The following TRPM3 variants were observed in gnomAD, a reference collection of about 807,000 sequenced individuals.
The protein encoded by TRPM3 is transient receptor potential cation channel subfamily M member 3.
In TRPM3, 77 loss-of-function variants were observed where a neutral mutation model predicts 181.2. That is an observed-to-expected ratio of 0.42 (90% CI 0.35 to 0.51). TRPM3 has a LOEUF of 0.51. Ranked by LOEUF, TRPM3 falls within the 20% of genes least tolerant of loss-of-function variation. The pLI is 0.01. For missense variants in TRPM3, 1,759 were observed against 2,196.7 expected (o/e 0.80, Z 3.98); for synonymous variants, 745 against 796.4 (o/e 0.94, Z 1.09).
intron 1 of TRPM3, among the ~76,000 whole-genome samples, chr9:71,172,372 C>T (rs1372676306): frequency 6.6e-6 from 1 of 152,078 alleles, no homozygotes; most frequent in Non-Finnish European, 1.5e-5. Context: ...TTATCATTGT[C>T]ATGTTCAAGG....
intron 1 of TRPM3, among the ~76,000 whole-genome samples, chr9:71,329,238 C>G (rs2089944581): frequency 6.6e-6 from 1 of 152,202 alleles, no homozygotes; most frequent in Non-Finnish European, 1.5e-5. Flanking sequence ...ACTGTTCACT[C>G]TTATTTCATG....
At chr9:70,874,884 CTA>C (rs767283891) in intron 1 of TRPM3, among the ~76,000 whole-genome samples, 1 of 151,558 alleles carries the variant, frequency 6.6e-6, no homozygotes, top group Non-Finnish European at 1.5e-5. Context: ...CTCTCTCTGT[CTA>C]TATGTATGTA....
At chr9:71,357,768 TTC>T in intron 1 of TRPM3, among the ~76,000 whole-genome samples, 1 of 152,234 alleles carries the variant, frequency 6.6e-6, no homozygotes, top group African/African-American at 2.4e-5. Flanking sequence ...TTCTTATCTT[TTC>T]TCTTTTCTTT....
chr9:70,584,347 T>C (rs1302822943), intron 22 of TRPM3, among the ~76,000 whole-genome samples: 2 of 152,230 alleles, frequency 1.3e-5, no homozygotes, highest in African/African-American at 4.8e-5. Flanking sequence ...TTTTTATTGA[T>C]ATTCTTTGCC....
chr9:71,179,345 G>T (rs1175473471), intron 1 of TRPM3, among the ~76,000 whole-genome samples: 4 of 152,092 alleles, frequency 2.6e-5, no homozygotes, highest in African/African-American at 9.7e-5. Context: ...TTGTAAAAGT[G>T]AACAGTCAAC....
At chr9:71,342,333 AAC>A (rs1274871412) in intron 1 of TRPM3, among the ~76,000 whole-genome samples, 12 of 150,050 alleles carry the variant, frequency 8.0e-5, no homozygotes. Flanking sequence ...TTATCCTGAA[AAC>A]ACACTTTTGA....
At chr9:71,272,875 ATT>A (rs879522122) in intron 1 of TRPM3, among the ~76,000 whole-genome samples, 129 of 142,768 alleles carry the variant, frequency 9.0e-4, no homozygotes, top group African/African-American at 2.6e-3. Context: ...GAAAGCGGTA[ATT>A]TTTTTTTTTT....
At chr9:70,871,711 A>G (rs1256694733) in intron 1 of TRPM3, among the ~76,000 whole-genome samples, 2 of 152,020 alleles carry the variant, frequency 1.3e-5, no homozygotes, top group African/African-American at 4.8e-5. Flanking sequence ...TCACCTGACA[A>G]TGCAACTCCC....
At chr9:71,163,783 G>A (rs1247818273) in intron 1 of TRPM3, among the ~76,000 whole-genome samples, 1 of 152,072 alleles carries the variant, frequency 6.6e-6, no homozygotes, top group African/African-American at 2.4e-5. Context: ...GATTTGTAAA[G>A]GTGACAGAAA....
At chr9:70,945,975 G>A (rs1446836692) in intron 1 of TRPM3, among the ~76,000 whole-genome samples, 1 of 150,450 alleles carries the variant, frequency 6.6e-6, no homozygotes, top group African/African-American at 2.4e-5. Context: ...CCTGGACTAG[G>A]GAGATCTACA....
At chr9:70,837,000 C>A (rs2094363658) in intron 5 of TRPM3, among the ~76,000 whole-genome samples, 1 of 152,176 alleles carries the variant, frequency 6.6e-6, no homozygotes, top group Non-Finnish European at 1.5e-5. Flanking sequence ...GCAGTTAGCT[C>A]CAAAGCTGAG....
intron 1 of TRPM3, among the ~76,000 whole-genome samples, chr9:71,217,867 G>A (rs1333387923): frequency 1.3e-5 from 2 of 152,134 alleles, no homozygotes; most frequent in Non-Finnish European, 2.9e-5. Flanking sequence ...CTGGAAGACT[G>A]GAAGAATTAG....
chr9:71,167,086 A>C (rs1025326484), intron 1 of TRPM3, among the ~76,000 whole-genome samples: 2 of 152,202 alleles, frequency 1.3e-5, no homozygotes, highest in African/African-American at 2.4e-5. Context: ...TACCAAAAAA[A>C]AGTTTTAAAA....
intron 8 of TRPM3, among the ~76,000 whole-genome samples, chr9:70,752,678 C>T (rs1002392391): frequency 6.6e-6 from 1 of 152,122 alleles, no homozygotes; most frequent in African/African-American, 2.4e-5. Flanking sequence ...TTTAGATACA[C>T]AAATACCTAA....
chr9:71,301,118 C>T (rs567009533), intron 1 of TRPM3, among the ~76,000 whole-genome samples: 10 of 152,178 alleles, frequency 6.6e-5, no homozygotes, highest in Admixed American at 6.5e-5. Flanking sequence ...AGAATACCTG[C>T]CCTCAGGGAA....
chr9:70,572,690 GA>G (rs1412784546), intron 22 of TRPM3, among the ~76,000 whole-genome samples: 1 of 152,074 alleles, frequency 6.6e-6, no homozygotes, highest in Non-Finnish European at 1.5e-5. Flanking sequence ...TCACAAAGAT[GA>G]AATGCCCTTC....
chr9:70,790,805 G>A (rs2085195640), intron 6 of TRPM3, among the ~76,000 whole-genome samples: 1 of 152,088 alleles, frequency 6.6e-6, no homozygotes, highest in Admixed American at 6.6e-5. Flanking sequence ...TAAGTTTAAG[G>A]TGCTTCTTAC....
chr9:70,606,125 G>A (rs1280826765), intron 19 of TRPM3, among the ~76,000 whole-genome samples: 1 of 152,098 alleles, frequency 6.6e-6, no homozygotes, highest in Non-Finnish European at 1.5e-5. Flanking sequence ...ACCTGCCTGG[G>A]CCTCCATTCT....
In TRPM3 at chr9:70,846,475, A is replaced by G; in HGVS notation, c.579T>C (p.Phe193=). 1 of 1,614,170 alleles carries G rather than the reference A, an allele frequency of 6.2e-7. No homozygotes were observed. Among genetic ancestry groups the G allele is most frequent in the Non-Finnish European group, 8.5e-7 (1 of 1,180,024 alleles). Residue 193 remains phenylalanine (F), a synonymous_variant, in exon 4 of 26, where the codon TTT becomes TTC. Coordinates refer to ENST00000677713, the MANE Select transcript of TRPM3 (RefSeq NM_001366145.2). ...CTTGCTTGAGTTTTGGCTGGAGTTC[A>G]AAGTTCTGCAGGCCCCCATGGACAG... ...LISVHGGLQN[F]ELQPKLKQVF...
Sources: allele counts gnomAD v4.1 joint callset (sites outside exome capture counted in the v4.1 genomes callset), GRCh38; gene constraint gnomAD v4.1.1; transcripts MANE v1.5; gene names NCBI Gene and HGNC (gene_info 2026-07-23, HGNC 2026-07-21).